Variants in BAIAP2 observed in about 807,000 individuals in gnomAD.
BAIAP2 encodes the protein BAR/IMD domain-containing adapter protein 2.
BAIAP2 carries 18 observed loss-of-function variants against 63.0 expected under a neutral mutation model. That is an observed-to-expected ratio of 0.29 (90% CI 0.20 to 0.42). The LOEUF (loss-of-function observed/expected upper bound fraction) is 0.42, where lower values mean the gene tolerates loss of function less well. Ranked by LOEUF, BAIAP2 falls within the 10% of genes least tolerant of loss-of-function variation. The pLI is 1.00. For synonymous variants in BAIAP2, 386 were observed against 307.6 expected (o/e 1.25, Z -2.67); for missense variants, 610 against 734.3 (o/e 0.83, Z 1.96).
intron 3 of BAIAP2, among the ~76,000 whole-genome samples, chr17:81,060,784 C>T (rs976091099): frequency 1.3e-5 from 2 of 152,120 alleles, no homozygotes; most frequent in African/African-American, 2.4e-5. Context: ...CCCTCGGCTG[C>T]GTGTCTAAGA....
chr17:81,094,580 G>A (rs956426098), intron 6 of BAIAP2, among the ~76,000 whole-genome samples: 10 of 152,182 alleles, frequency 6.6e-5, no homozygotes, highest in African/African-American at 2.2e-4. Context: ...AGCCCAGCCC[G>A]GGTCTTGCTC....
At chr17:81,038,903 G>C (rs375814809) in intron 1 of BAIAP2, among the ~76,000 whole-genome samples, 5 of 152,104 alleles carry the variant, frequency 3.3e-5, no homozygotes, top group African/African-American at 7.2e-5. Flanking sequence ...TCCTGGGTGG[G>C]GGGGGCAGCA....
chr17:81,051,186 C>T (rs1285601114), intron 1 of BAIAP2, among the ~76,000 whole-genome samples: 2 of 151,952 alleles, frequency 1.3e-5, no homozygotes, highest in African/African-American at 4.8e-5. Context: ...CCAGCATCCC[C>T]GTCCCTTTAG....
chr17:81,047,507 CCAG>C, intron 1 of BAIAP2, among the ~76,000 whole-genome samples: 1 of 152,372 alleles, frequency 6.6e-6, no homozygotes, highest in East Asian at 1.9e-4. Context: ...CCACGTGTGT[CCAG>C]CACACGCATG....
In BAIAP2 at chr17:81,057,969, T is replaced by TGGGGGGGGGGGG; in HGVS notation, c.217+3_217+4insGGGGGGGGGGGG. ...AGAGCCAGGGCTCCAAAGAACTCGG[T>TGGGGGGGGGGGG]GAGACCCCCCCCCCCCCCCCGCCTG... On this transcript the variant is annotated splice_region_variant and intron_variant, in intron 3 of 13. Coordinates refer to ENST00000428708, the MANE Select transcript of BAIAP2 (RefSeq NM_001144888.2). 2.1e-6 allele frequency: 2 copies of TGGGGGGGGGGGG among 964,864 alleles called. No individual in the cohort carries two copies. The highest frequency in any genetic ancestry group is 2.8e-6 in the Non-Finnish European group (2 of 713,584). The allele number at this position is 964,864 out of a possible 1,614,324, so 59.8% of individuals were successfully genotyped here.
Position 81,116,105 on chromosome 17 carries a change from A to G in BAIAP2, c.*266A>G. ...CTCTTGAGGGTACACGCCTCTGGTC[A>G]CATGGCCATGGAGCCTTGGGTACCC... On this transcript the variant is annotated 3_prime_UTR_variant, in exon 14 of 14. Coordinates refer to ENST00000428708, the MANE Select transcript of BAIAP2 (RefSeq NM_001144888.2). The G allele has an allele frequency of 6.5e-7, 1 of 1,547,010 alleles. No individual in the cohort carries two copies. Among genetic ancestry groups the G allele is most frequent in the Middle Eastern group, 1.8e-4 (1 of 5,434 alleles).
intron 3 of BAIAP2, among the ~76,000 whole-genome samples, chr17:81,074,471 C>T (rs1341551735): frequency 6.7e-5 from 10 of 149,274 alleles, no homozygotes; most frequent in Admixed American, 2.7e-4. Flanking sequence ...TGTGTGCATG[C>T]ACGGATACAT....
At chr17:81,043,949 T>C (rs2047439220) in intron 1 of BAIAP2, among the ~76,000 whole-genome samples, 1 of 152,238 alleles carries the variant, frequency 6.6e-6, no homozygotes, top group Non-Finnish European at 1.5e-5. Context: ...CAGAGAGTAC[T>C]GGGTAAGTGG....
At chr17:81,040,303 C>T (rs111731452) in intron 1 of BAIAP2, among the ~76,000 whole-genome samples, 4,623 of 152,338 alleles carry the variant, frequency 0.03, 98 homozygotes, top group South Asian at 0.088. Context: ...CTTGGGCGGC[C>T]GGCGCCGTCA....
intron 1 of BAIAP2, among the ~76,000 whole-genome samples, chr17:81,041,011 C>T (rs897119853): frequency 3.3e-5 from 5 of 152,214 alleles, no homozygotes; most frequent in Non-Finnish European, 7.4e-5. Flanking sequence ...CTGCCTCTGG[C>T]GGGGGCCCGT....
At chr17:81,062,738 T>C (rs2050793523) in intron 3 of BAIAP2, among the ~76,000 whole-genome samples, 1 of 150,374 alleles carries the variant, frequency 6.7e-6, no homozygotes, top group African/African-American at 2.5e-5. Flanking sequence ...ACGGGGAATG[T>C]GTTTGAGCCA....
intron 3 of BAIAP2, among the ~76,000 whole-genome samples, chr17:81,065,402 C>T (rs2051289198): frequency 6.6e-6 from 1 of 152,184 alleles, no homozygotes; most frequent in Admixed American, 6.5e-5. Context: ...GTTTTGGGCA[C>T]CTCCCTGGAG....
intron 1 of BAIAP2, among the ~76,000 whole-genome samples, chr17:81,051,196 G>A (rs564493087): frequency 1.3e-5 from 2 of 151,982 alleles, no homozygotes; most frequent in African/African-American, 4.8e-5. Context: ...CGTCCCTTTA[G>A]GACAGAGGCC....
chr17:81,116,074 G>A lies in BAIAP2; in HGVS notation c.*235G>A, dbSNP rs1033681912. ...GTGGCTGGGCTGCCCAGGGCTGAGG[G>A]GCCGCCTCTTGAGGGTACACGCCTC... On this transcript the variant is annotated 3_prime_UTR_variant, in exon 14 of 14. Coordinates refer to ENST00000428708, the MANE Select transcript of BAIAP2 (RefSeq NM_001144888.2). The A allele has an allele frequency of 2.7e-6, 4 of 1,480,572 alleles. No homozygotes were observed. The highest frequency in any genetic ancestry group is 3.6e-6 in the Non-Finnish European group (4 of 1,119,126). 91.7% of individuals were successfully genotyped at this position (1,480,572 alleles called of 1,614,324 possible).
chr17:81,099,086 G>A (rs1187310476), intron 6 of BAIAP2, among the ~76,000 whole-genome samples: 1 of 148,702 alleles, frequency 6.7e-6, no homozygotes, highest in Non-Finnish European at 1.5e-5. Context: ...TCCTGGTTCC[G>A]TGCTGGCCCC....
intron 1 of BAIAP2, among the ~76,000 whole-genome samples, chr17:81,051,598 C>T (rs2048691025): frequency 6.6e-6 from 1 of 152,164 alleles, no homozygotes; most frequent in South Asian, 2.1e-4. Flanking sequence ...GGTTTCACCA[C>T]GTTGGCCAGG....
intron 3 of BAIAP2, among the ~76,000 whole-genome samples, chr17:81,064,400 T>A (rs1417530022): frequency 1.3e-5 from 2 of 152,202 alleles, no homozygotes; most frequent in African/African-American, 4.8e-5. Flanking sequence ...TGGATGATGC[T>A]GCCCGCTCCC....
At chr17:81,091,023 C>G (rs925558331) in intron 6 of BAIAP2, among the ~76,000 whole-genome samples, 1 of 152,092 alleles carries the variant, frequency 6.6e-6, no homozygotes, top group African/African-American at 2.4e-5. Context: ...ATGTGCAGCC[C>G]CGCCCCTCCA....
intron 6 of BAIAP2, among the ~76,000 whole-genome samples, chr17:81,096,712 G>C (rs1168132131): frequency 6.6e-6 from 1 of 152,280 alleles, no homozygotes; most frequent in East Asian, 1.9e-4. Flanking sequence ...GCGGGCTCAG[G>C]TGTCCTCCTC....
Sources: gnomAD v4.1 joint callset for allele counts (sites outside exome capture counted in the v4.1 genomes callset) on GRCh38, gnomAD v4.1.1 for gene constraint, MANE v1.5 for transcripts, NCBI Gene and HGNC (gene_info 2026-07-23, HGNC 2026-07-21) for gene names.